PTPRN2: variants seen among roughly 807,000 people sequenced by gnomAD.
PTPRN2 encodes protein tyrosine phosphatase receptor type N2.
PTPRN2 carries 74 observed loss-of-function variants against 118.8 expected under a neutral mutation model. The observed-to-expected ratio is 0.62, with a 90% CI of 0.52 to 0.76. The LOEUF (loss-of-function observed/expected upper bound fraction) is 0.76. Ranked by LOEUF, PTPRN2 falls within the 30% of genes least tolerant of loss-of-function variation. PTPRN2 has a pLI of 0.00. For missense variants in PTPRN2, 1,481 were observed against 1,394.4 expected, an observed-to-expected ratio of 1.06 and a Z score of -0.99; for synonymous variants, 641 against 608.0, an observed-to-expected ratio of 1.05 and a Z score of -0.80.
chr7:157,782,288 C>T (rs541235374), intron 12 of PTPRN2, among the ~76,000 whole-genome samples: 9 of 152,230 alleles, frequency 5.9e-5, no homozygotes, highest in South Asian at 2.1e-4. Context: ...CAGTCAACCA[C>T]GCTAAGTGGG....
chr7:157,657,398 A>C (rs1795586743), intron 13 of PTPRN2, among the ~76,000 whole-genome samples: 1 of 142,488 alleles, frequency 7.0e-6, no homozygotes, highest in Non-Finnish European at 1.5e-5. Flanking sequence ...CACACACACC[A>C]CACACATCAC....
intron 6 of PTPRN2, among the ~76,000 whole-genome samples, chr7:158,164,061 G>A (rs1822641567): frequency 6.6e-6 from 1 of 152,260 alleles, no homozygotes; most frequent in African/African-American, 2.4e-5. Flanking sequence ...AGAATGCCAA[G>A]CACATTGTGT....
At chr7:158,312,525 C>T (rs1286280807) in intron 3 of PTPRN2, among the ~76,000 whole-genome samples, 1 of 105,522 alleles carries the variant, frequency 9.5e-6, no homozygotes, top group Non-Finnish European at 2.3e-5. Flanking sequence ...CACGCACAGA[C>T]ACCTGCACAC....
chr7:157,781,785 C>T (rs1401830563), intron 12 of PTPRN2, among the ~76,000 whole-genome samples: 1 of 152,192 alleles, frequency 6.6e-6, no homozygotes, highest in Non-Finnish European at 1.5e-5. Context: ...AGCCTCAATA[C>T]CCTGCCCCAG....
rs1796086554 is a variant in PTPRN2 at position 157,881,117 on chromosome 7, T to C, written c.1788+17556A>G. 6.6e-6 allele frequency among the ~76,000 whole-genome samples: 1 copy of C among 152,098 alleles called. No homozygotes were observed. The highest frequency in any genetic ancestry group is 2.4e-5 in the African/African-American group (1 of 41,424). On this transcript the variant is annotated intron_variant, in intron 12 of 22. Transcript: ENST00000389418. The surrounding 1 kb of genome is among the most constrained non-coding windows in gnomAD (Gnocchi z 4.7). The stretch of plus-strand genomic sequence containing the variant: ...AGATGGGGGTGTTTACAGTAGTCAT[T>C]ATGATAAAATGAAGTCATGAGGGTA...
rs2335476 is a variant in PTPRN2 at position 158,288,650 on chromosome 7, T to G, written c.277+28169A>C. Among the ~76,000 whole-genome samples, 1,078 of 152,316 alleles carry G rather than the reference T, an allele frequency of 7.1e-3. 17 individuals carry two copies. The highest frequency in any genetic ancestry group is 0.025 in the African/African-American group (1,029 of 41,578). On this transcript the variant is annotated intron_variant, in intron 3 of 22. Transcript: ENST00000389418. Reference sequence around the variant, plus strand: ...TGTTGTAGCTATTATTTAAGAAATTTCATAGCTATCACTGTGATAGTTTTC... The same window carrying G: ...TGTTGTAGCTATTATTTAAGAAATTGCATAGCTATCACTGTGATAGTTTTC...
At chr7:158,281,594 GT>G (rs1419047531) in intron 3 of PTPRN2, among the ~76,000 whole-genome samples, 2 of 152,220 alleles carry the variant, frequency 1.3e-5, no homozygotes, top group Non-Finnish European at 2.9e-5. Context: ...GGTGTGCGTG[GT>G]GCCCTGCGCA....
chr7:158,165,997 C>T (rs529305957), intron 6 of PTPRN2, among the ~76,000 whole-genome samples: 23 of 152,154 alleles, frequency 1.5e-4, no homozygotes, highest in East Asian at 1.4e-3. Context: ...ATATGGGCTA[C>T]GGTCACATGC....
rs1452383468 is a variant in PTPRN2, at chr7:158,546,816, C to G, written c.112+40742G>C. Reference sequence around the variant, plus strand: ...TCACGTATGCACCAACATGCAGATGCACACACAGGGCATGGGCACTCCAGA... The same window carrying G: ...TCACGTATGCACCAACATGCAGATGGACACACAGGGCATGGGCACTCCAGA... On this transcript the variant is annotated intron_variant, in intron 1 of 22. Coordinates refer to ENST00000389418, the MANE Select transcript of PTPRN2 (RefSeq NM_002847.5). The surrounding 1 kb of genome is among the most constrained non-coding windows in gnomAD (Gnocchi z 5.0). Among the ~76,000 whole-genome samples the G allele has an allele frequency of 6.6e-6, 1 of 152,232 alleles. No homozygotes were observed. The highest frequency in any genetic ancestry group is 1.5e-5 in the Non-Finnish European group (1 of 68,032).
In PTPRN2 at chr7:158,521,765, A is replaced by G. The variant is rs36135514; in HGVS notation, c.113-31980T>C. On this transcript the variant is annotated intron_variant, in intron 1 of 22. Transcript: ENST00000389418. ...TGGACTGTCCGGGTAGTGGCTCGGG[A>G]GGGAGGTCCACGTCACAATGGTGGA... 2.4e-3 allele frequency among the ~76,000 whole-genome samples: 180 copies of G among 75,780 alleles called. 1 individual carries two copies. The highest frequency in any genetic ancestry group is 3.3e-3 in the East Asian group (6 of 1,818). The allele number at this position is 75,780 out of a possible 152,430, so 49.7% of individuals were successfully genotyped here.
intron 13 of PTPRN2, among the ~76,000 whole-genome samples, chr7:157,658,542 T>C (rs1204515963): frequency 6.6e-6 from 1 of 152,144 alleles, no homozygotes; most frequent in East Asian, 1.9e-4. Context: ...TGCCCGGCCG[T>C]ATGGGACCCG....
At chr7:157,751,516 G>A (rs531257339) in intron 12 of PTPRN2, among the ~76,000 whole-genome samples, 2 of 152,292 alleles carry the variant, frequency 1.3e-5, no homozygotes, top group African/African-American at 4.8e-5. Context: ...CGCCCACGGA[G>A]TGCGCTCGCT....
intron 3 of PTPRN2, among the ~76,000 whole-genome samples, chr7:158,311,403 C>T (rs573270464): frequency 1.3e-5 from 2 of 152,126 alleles, no homozygotes; most frequent in African/African-American, 4.8e-5. Context: ...AAATTGCATG[C>T]CAACGAGTGA....
rs1315230401 is a variant in PTPRN2, at chr7:158,149,848, C to CA, written c.911-11334dup. 4.7e-5 allele frequency among the ~76,000 whole-genome samples: 7 copies of CA among 147,410 alleles called. No homozygotes were observed. The East Asian group carries it at 9.8e-4, about 21-fold the overall frequency. Reference sequence around the variant, plus strand: ...ACCCAAGTGATGTCTCTTGAAAAAACAAAAAAATTACTGTGGAATTTTTGG... The same window carrying CA: ...ACCCAAGTGATGTCTCTTGAAAAAACAAAAAAAATTACTGTGGAATTTTTGG... On this transcript the variant is annotated intron_variant, in intron 6 of 22. Coordinates refer to ENST00000389418, the MANE Select transcript of PTPRN2 (RefSeq NM_002847.5).
At chr7:158,390,196 G>A (rs567999304) in intron 2 of PTPRN2, among the ~76,000 whole-genome samples, 2 of 152,050 alleles carry the variant, frequency 1.3e-5, no homozygotes, top group East Asian at 1.9e-4. Context: ...AGGCGCCGTC[G>A]CCCTGGGCCG....
intron 12 of PTPRN2, among the ~76,000 whole-genome samples, chr7:157,731,538 G>A (rs1267023897): frequency 1.4e-5 from 2 of 142,018 alleles, no homozygotes. Context: ...CATGCGCCCA[G>A]CACAGTTACC....
chr7:157,648,625 C>T (rs148537990), intron 14 of PTPRN2, among the ~76,000 whole-genome samples: 4,244 of 120,830 alleles, frequency 0.035, 116 homozygotes, highest in East Asian at 0.052. Context: ...GCACTGAACT[C>T]GGTGGGTTGG....
rs572680214 is a variant in PTPRN2, at chr7:158,187,508, G to A, written c.549+4819C>T. ...GGGGCAGCAAAATCTGCACGGCAGCGCTGCAGCCTCTGGTCACGCACTTCC... is the reference window on the plus strand; with the variant it reads ...GGGGCAGCAAAATCTGCACGGCAGCACTGCAGCCTCTGGTCACGCACTTCC... On this transcript the variant is annotated intron_variant, in intron 5 of 22. Transcript: ENST00000389418. Among the ~76,000 whole-genome samples the A allele has an allele frequency of 9.9e-5, 15 of 152,234 alleles. No individual in the cohort carries two copies. In the South Asian group the frequency reaches 2.7e-3, roughly 27 times the overall value.
intron 5 of PTPRN2, among the ~76,000 whole-genome samples, chr7:158,186,928 T>C (rs1428268497): frequency 6.6e-6 from 1 of 152,256 alleles, no homozygotes; most frequent in Non-Finnish European, 1.5e-5. Context: ...ATTTCCAAGA[T>C]AAATCAGCTA....
Sources: allele counts gnomAD v4.1 joint callset (sites outside exome capture counted in the v4.1 genomes callset), GRCh38; gene constraint gnomAD v4.1.1; non-coding constraint Gnocchi (gnomAD v3.1); transcripts MANE v1.5; gene names NCBI Gene and HGNC (gene_info 2026-07-23, HGNC 2026-07-21).